Variants in NBAS observed in about 807,000 individuals in gnomAD.
NBAS encodes the protein NAG/BC035112 fusion.
In NBAS, 219 loss-of-function variants were observed where a neutral mutation model predicts 302.5. The ratio of observed to expected loss-of-function variants is 0.72; its 90% CI spans 0.65 to 0.81. NBAS has a LOEUF of 0.81. Ranked by LOEUF, NBAS falls within the 30% of genes least tolerant of loss-of-function variation. The pLI, the probability that NBAS is intolerant of heterozygous loss-of-function variation, is 0.00. For synonymous variants in NBAS, 1,118 were observed against 1,021.6 expected, an observed-to-expected ratio of 1.09 and a Z score of -1.80; for missense variants, 2,932 against 2,841.6, an observed-to-expected ratio of 1.03 and a Z score of -0.72.
At chr2:15,105,397 T>TA in the NBAS span, among the ~76,000 whole-genome samples, 1 of 151,664 alleles carries the variant, frequency 6.6e-6, no homozygotes, top group Non-Finnish European at 1.5e-5. Flanking sequence ...TTCTAGAACT[T>TA]AAAGTATAAT....
intron 38 of NBAS, among the ~76,000 whole-genome samples, chr2:15,325,235 T>C (rs1672010096): frequency 6.6e-6 from 1 of 152,178 alleles, no homozygotes; most frequent in South Asian, 2.1e-4. Context: ...ATAAAGCAAA[T>C]ATTGCAATAA....
At chr2:15,540,103 T>C (rs1435026813) in intron 6 of NBAS, among the ~76,000 whole-genome samples, 2 of 152,242 alleles carry the variant, frequency 1.3e-5, no homozygotes, top group East Asian at 3.8e-4. Flanking sequence ...AGATTTTTTA[T>C]TGTTTCGTTT....
chr2:14,922,697 C>T, the NBAS span, among the ~76,000 whole-genome samples: 1 of 152,158 alleles, frequency 6.6e-6, no homozygotes, highest in South Asian at 2.1e-4. Flanking sequence ...AGGGCTTCTA[C>T]CTGTGAATTT....
In NBAS at chr2:15,303,026, C is replaced by T. The variant is rs139354658; in HGVS notation, c.4797+5190G>A. On this transcript the variant is annotated intron_variant, in intron 40 of 51. Transcript: ENST00000281513. ...AGCTGCAGACTGGAGACTGCACTGT[C>T]GGCTTCCCTTCTTTTGAGGTTTTGG... is the stretch of plus-strand genomic sequence containing the variant. Among the ~76,000 whole-genome samples, 527 of 152,290 alleles carry T rather than the reference C, an allele frequency of 3.5e-3. 2 individuals carry two copies. Among genetic ancestry groups the T allele is most frequent in the Non-Finnish European group, 5.4e-3 (369 of 68,026 alleles).
At chr2:15,194,713 T>C (rs537598053) in intron 48 of NBAS, among the ~76,000 whole-genome samples, 24 of 152,246 alleles carry the variant, frequency 1.6e-4, no homozygotes, top group African/African-American at 5.5e-4. Context: ...TTGTAAACCA[T>C]ATGACATTCA....
chr2:15,163,604 T>TG (rs548956148), downstream of NBAS, among the ~76,000 whole-genome samples: 89 of 152,308 alleles, frequency 5.8e-4, 1 homozygote, highest in African/African-American at 1.8e-3. Context: ...CCTAACACTT[T>TG]GGAAGTCCCT....
intron 35 of NBAS, among the ~76,000 whole-genome samples, chr2:15,336,606 A>G (rs778843547): frequency 1.8e-4 from 27 of 151,992 alleles, no homozygotes; most frequent in Non-Finnish European, 3.8e-4. Flanking sequence ...GGCACACACC[A>G]CTAATCCCAG....
At chr2:14,888,165 C>G in the NBAS span, among the ~76,000 whole-genome samples, 1 of 152,186 alleles carries the variant, frequency 6.6e-6, no homozygotes, top group Non-Finnish European at 1.5e-5. Flanking sequence ...GAGTCTCACT[C>G]TGTTGCCCAG....
At chr2:15,060,630 G>A in the NBAS span, among the ~76,000 whole-genome samples, 2 of 152,104 alleles carry the variant, frequency 1.3e-5, no homozygotes, top group African/African-American at 4.8e-5. Context: ...TCAGTGCAGG[G>A]AGGATGGGAC....
chr2:15,170,233 T>C (rs1265816923), intron 51 of NBAS, among the ~76,000 whole-genome samples: 4 of 152,146 alleles, frequency 2.6e-5, no homozygotes, highest in East Asian at 1.9e-4. Flanking sequence ...ATTCCCTTCA[T>C]AGTTTGTGTT....
the NBAS span, among the ~76,000 whole-genome samples, chr2:14,854,142 C>T: frequency 4.0e-5 from 6 of 150,512 alleles, no homozygotes; most frequent in South Asian, 4.2e-4. Context: ...ATAATGGAAA[C>T]AACATACAAA....
At chr2:15,029,404 G>A in the NBAS span, among the ~76,000 whole-genome samples, 3 of 152,118 alleles carry the variant, frequency 2.0e-5, no homozygotes, top group African/African-American at 7.2e-5. Flanking sequence ...GTTCACCACT[G>A]TTACACTGAC....
intron 47 of NBAS, among the ~76,000 whole-genome samples, chr2:15,219,779 C>G (rs1283470007): frequency 7.2e-6 from 1 of 138,794 alleles, no homozygotes; most frequent in African/African-American, 2.7e-5. Context: ...CCACCCTTCC[C>G]GCCTTTCTAT....
chr2:15,445,672 T>A (rs1267657315), intron 21 of NBAS, among the ~76,000 whole-genome samples: 1 of 151,594 alleles, frequency 6.6e-6, no homozygotes, highest in Non-Finnish European at 1.5e-5. Context: ...AAAAAATTTT[T>A]AAATTTACTT....
At chr2:15,073,608 C>A in the NBAS span, among the ~76,000 whole-genome samples, 1 of 152,152 alleles carries the variant, frequency 6.6e-6, no homozygotes, top group Middle Eastern at 3.4e-3. Context: ...CACTTCCATG[C>A]ATTTTTTTTC....
At chr2:15,253,521 C>T (rs1328290946) in intron 44 of NBAS, among the ~76,000 whole-genome samples, 2 of 152,244 alleles carry the variant, frequency 1.3e-5, no homozygotes, top group Admixed American at 6.5e-5. Flanking sequence ...GGTATGTGTG[C>T]CACTAGCACA....
At chr2:14,873,680 T>A in the NBAS span, among the ~76,000 whole-genome samples, 2 of 141,240 alleles carry the variant, frequency 1.4e-5, no homozygotes, top group East Asian at 1.9e-4. Context: ...GATTCCTTGA[T>A]GTTTTCCAAA....
At chr2:14,979,231 G>T in the NBAS span, among the ~76,000 whole-genome samples, 1 of 152,136 alleles carries the variant, frequency 6.6e-6, no homozygotes, top group African/African-American at 2.4e-5. Context: ...ATTATGAGAA[G>T]CAAAGAAGAT....
intron 9 of NBAS, among the ~76,000 whole-genome samples, chr2:15,517,440 G>C (rs187448279): frequency 6.6e-6 from 1 of 152,220 alleles, no homozygotes; most frequent in African/African-American, 2.4e-5. Context: ...AATTATGACA[G>C]CTGCCTCTAG....
Sources: gnomAD v4.1 joint callset for allele counts (sites outside exome capture counted in the v4.1 genomes callset) on GRCh38, gnomAD v4.1.1 for gene constraint, MANE v1.5 for transcripts, NCBI Gene and HGNC (gene_info 2026-07-23, HGNC 2026-07-21) for gene names.